The following LRRTM4 variants were observed in gnomAD, a reference collection of about 807,000 sequenced individuals.
LRRTM4 encodes the protein leucine rich repeat transmembrane neuronal 4.
In LRRTM4, 25 loss-of-function variants were observed where a neutral mutation model predicts 47.6. The observed-to-expected ratio is 0.53, with a 90% confidence interval of 0.38 to 0.73. LRRTM4 has a LOEUF of 0.73. Among genes scored for constraint, LRRTM4 ranks in the 30% least tolerant of loss-of-function variants. LRRTM4 has a pLI of 0.00. For missense variants in LRRTM4, 638 were observed against 713.4 expected, an observed-to-expected ratio of 0.89 and a Z score of 1.20; for synonymous variants, 311 against 269.5, an observed-to-expected ratio of 1.15 and a Z score of -1.51.
chr2:76,986,219 T>C (rs1020667829), intron 3 of LRRTM4, among the ~76,000 whole-genome samples: 1 of 150,212 alleles, frequency 6.7e-6, no homozygotes, highest in South Asian at 2.1e-4. Flanking sequence ...CTGAAGAGTG[T>C]GCATTTAAAA....
chr2:77,045,732 C>T (rs148147506), intron 3 of LRRTM4, among the ~76,000 whole-genome samples: 12,448 of 151,996 alleles, frequency 0.082, 712 homozygotes, highest in East Asian at 0.26. Flanking sequence ...TCTCCAGCCA[C>T]ATGGAACTGT....
intron 3 of LRRTM4, among the ~76,000 whole-genome samples, chr2:77,191,555 A>G (rs1010179253): frequency 1.1e-4 from 16 of 151,910 alleles, no homozygotes; most frequent in Admixed American, 4.6e-4. Flanking sequence ...AATACCAATT[A>G]AAATTTTAAA....
intron 3 of LRRTM4, among the ~76,000 whole-genome samples, chr2:76,771,298 C>T (rs1673692587): frequency 6.6e-6 from 1 of 152,072 alleles, no homozygotes; most frequent in Admixed American, 6.6e-5. Flanking sequence ...CATTCATGTC[C>T]CATGACCTTA....
At chr2:77,424,841 C>A (rs1675044977) in intron 3 of LRRTM4, among the ~76,000 whole-genome samples, 1 of 152,116 alleles carries the variant, frequency 6.6e-6, no homozygotes, top group Non-Finnish European at 1.5e-5. Flanking sequence ...ACCCAGGGAT[C>A]CTTATAGATG....
At chr2:77,344,281 T>G (rs939683732) in intron 3 of LRRTM4, among the ~76,000 whole-genome samples, 1 of 151,884 alleles carries the variant, frequency 6.6e-6, no homozygotes, top group Admixed American at 6.6e-5. Flanking sequence ...TGAAATTATC[T>G]GACAAAGACT....
intron 3 of LRRTM4, among the ~76,000 whole-genome samples, chr2:76,965,588 AATTATT>A (rs1240398085): frequency 2.6e-5 from 4 of 151,164 alleles, no homozygotes; most frequent in Admixed American, 1.3e-4. Context: ...TAACTCTTAT[AATTATT>A]ATTGTTTACA....
At chr2:76,803,875 C>A (rs1675830732) in intron 3 of LRRTM4, among the ~76,000 whole-genome samples, 1 of 152,114 alleles carries the variant, frequency 6.6e-6, no homozygotes, top group South Asian at 2.1e-4. Flanking sequence ...CTGTGGAAGT[C>A]TGAAATTTGA....
intron 3 of LRRTM4, among the ~76,000 whole-genome samples, chr2:77,130,728 G>T (rs1423645613): frequency 1.3e-5 from 2 of 150,566 alleles, no homozygotes. Flanking sequence ...AGCCAGGATG[G>T]TCTCAATCTC....
chr2:77,324,109 T>A (rs1028177388), intron 3 of LRRTM4, among the ~76,000 whole-genome samples: 1 of 152,022 alleles, frequency 6.6e-6, no homozygotes. Flanking sequence ...CATAGTAACA[T>A]GGGGTTTTCA....
chr2:77,004,271 A>C (rs1677549428), intron 3 of LRRTM4, among the ~76,000 whole-genome samples: 1 of 152,142 alleles, frequency 6.6e-6, no homozygotes. Context: ...GGAGGGAAAA[A>C]TGGTTTCCTG....
At chr2:77,403,040 CTG>C (rs879340481) in intron 3 of LRRTM4, among the ~76,000 whole-genome samples, 2 of 151,872 alleles carry the variant, frequency 1.3e-5, no homozygotes, top group Admixed American at 1.3e-4. Context: ...TGTTTTATCT[CTG>C]TTAAACTATT....
chr2:77,452,359 G>C (rs1444950037), intron 3 of LRRTM4, among the ~76,000 whole-genome samples: 2 of 152,162 alleles, frequency 1.3e-5, no homozygotes, highest in African/African-American at 4.8e-5. Context: ...TTGGATGCGG[G>C]GAGTAAAGGA....
At chr2:77,387,862 G>T in intron 3 of LRRTM4, among the ~76,000 whole-genome samples, 1 of 151,966 alleles carries the variant, frequency 6.6e-6, no homozygotes. Flanking sequence ...TTTGAATAAA[G>T]ATTATACTAT....
intron 3 of LRRTM4, among the ~76,000 whole-genome samples, chr2:77,176,870 A>G (rs1673210708): frequency 6.6e-6 from 1 of 152,186 alleles, no homozygotes; most frequent in Non-Finnish European, 1.5e-5. Context: ...GCCAAAACAA[A>G]GATGGCCACA....
chr2:77,390,449 T>C (rs530028206), intron 3 of LRRTM4, among the ~76,000 whole-genome samples: 1 of 152,070 alleles, frequency 6.6e-6, no homozygotes, highest in African/African-American at 2.4e-5. Flanking sequence ...CATGCAACTT[T>C]CATACAAATT....
At chr2:77,121,442 C>G (rs1319116774) in intron 3 of LRRTM4, among the ~76,000 whole-genome samples, 1 of 151,748 alleles carries the variant, frequency 6.6e-6, no homozygotes, top group Non-Finnish European at 1.5e-5. Flanking sequence ...TAAGATAAGA[C>G]ATATTAATTG....
intron 3 of LRRTM4, among the ~76,000 whole-genome samples, chr2:76,770,388 T>C: frequency 6.6e-6 from 1 of 152,192 alleles, no homozygotes; most frequent in East Asian, 1.9e-4. Flanking sequence ...TGATTTTTAC[T>C]TTCCAAAAAT....
intron 3 of LRRTM4, among the ~76,000 whole-genome samples, chr2:76,784,835 T>TAAAGG (rs1461334844): frequency 6.6e-6 from 1 of 152,024 alleles, no homozygotes; most frequent in Admixed American, 6.6e-5. Flanking sequence ...AAATATACCT[T>TAAAGG]AAAGGAAACT....
intron 3 of LRRTM4, among the ~76,000 whole-genome samples, chr2:76,947,598 A>C (rs948455354): frequency 6.6e-6 from 1 of 151,818 alleles, no homozygotes; most frequent in Non-Finnish European, 1.5e-5. Context: ...GACTAAAATA[A>C]AAAAAATGAA....
Sources: allele counts gnomAD v4.1 joint callset (sites outside exome capture counted in the v4.1 genomes callset), GRCh38; gene constraint gnomAD v4.1.1; transcripts MANE v1.5; gene names NCBI Gene and HGNC (gene_info 2026-07-23, HGNC 2026-07-21).